The following PDCL3 variants were observed in gnomAD, a reference collection of about 807,000 sequenced individuals.
PDCL3 encodes phosducin-like protein 3.
In PDCL3, 22 loss-of-function variants were observed where a neutral mutation model predicts 26.5. The observed-to-expected ratio is 0.83, with a 90% CI of 0.59 to 1.19. The LOEUF (loss-of-function observed/expected upper bound fraction) is 1.19, where lower values mean the gene tolerates loss of function less well. Ranked by LOEUF, PDCL3 falls within the 50% of genes most tolerant of loss-of-function variation. The probability of loss-of-function intolerance (pLI) is 0.00; values close to 1 mark genes in which losing one functional copy is unlikely to be tolerated. For synonymous variants in PDCL3, 81 were observed against 104.9 expected, an observed-to-expected ratio of 0.77 and a Z score of 1.39; for missense variants, 246 against 294.1, an observed-to-expected ratio of 0.84 and a Z score of 1.20.
intron 1 of PDCL3, among the ~76,000 whole-genome samples, chr2:100,565,424 G>A (rs1275833608): frequency 4.0e-5 from 6 of 151,866 alleles, no homozygotes; most frequent in South Asian, 2.1e-4. Context: ...ACAGGCGCCC[G>A]CCACCACGCC....
chr2:100,563,182 C>A (rs1674984073), intron 1 of PDCL3, 109 bp downstream of exon 1: 3 of 1,389,512 alleles, frequency 2.2e-6, no homozygotes, highest in East Asian at 2.6e-5. Flanking sequence ...GCGCCGCAGG[C>A]ACGAGGGAGG....
rs1162076765 is a variant in PDCL3, at chr2:100,563,015, A to AG, written c.-49dup. 4.4e-6 allele frequency: 7 copies of AG among 1,581,412 alleles called. No homozygotes were observed. Among genetic ancestry groups the AG allele is most frequent in the Middle Eastern group, 1.8e-4 (1 of 5,656 alleles). ...TGTGCGCGTGCACAAAAGAGAGCTG[A>AG]GGGGCGGGGGCGCTGCGGCACAGCT... On this transcript the variant is annotated 5_prime_UTR_variant, in exon 1 of 6. Coordinates refer to ENST00000264254, the MANE Select transcript of PDCL3 (RefSeq NM_024065.5).
chr2:100,569,571 T>G lies in PDCL3; in HGVS notation c.225-7T>G. The G allele has an allele frequency of 1.9e-6, 3 of 1,612,448 alleles. No homozygotes were observed. The highest frequency in any genetic ancestry group is 2.5e-6 in the Non-Finnish European group (3 of 1,179,678). Reference sequence around the variant, plus strand: ...ACGTAAGATGTTTCTCTCCTTGTTTTGTGCAGACGGCGGAGACTGGCTGAG... The same window carrying G: ...ACGTAAGATGTTTCTCTCCTTGTTTGGTGCAGACGGCGGAGACTGGCTGAG... On this transcript the variant is annotated splice_polypyrimidine_tract_variant and splice_region_variant and intron_variant, in intron 3 of 5. Coordinates refer to ENST00000264254, the MANE Select transcript of PDCL3 (RefSeq NM_024065.5).
chr2:100,569,557 T>C (rs1675126473), intron 3 of PDCL3, 21 bp from the exon 4 acceptor site: 1 of 1,610,448 alleles, frequency 6.2e-7, no homozygotes, highest in East Asian at 2.2e-5. Context: ...CGTAAGATGT[T>C]TCTCTCCTTG....
At chr2:100,565,818 G>A (rs896160517) in intron 1 of PDCL3, among the ~76,000 whole-genome samples, 1 of 152,034 alleles carries the variant, frequency 6.6e-6, no homozygotes, top group South Asian at 2.1e-4. Flanking sequence ...GGTGACTCTC[G>A]CATTCACCAC....
At chr2:100,574,142 T>C (rs1675234865) in intron 5 of PDCL3, among the ~76,000 whole-genome samples, 1 of 152,154 alleles carries the variant, frequency 6.6e-6, no homozygotes, top group African/African-American at 2.4e-5. Context: ...TAGCTGGGAC[T>C]ACAGGCATGT....
rs756976361 is a variant in PDCL3 at position 100,571,697 on chromosome 2, C to T, written c.476C>T (p.Pro159Leu). 3.7e-6 allele frequency: 6 copies of T among 1,613,804 alleles called. No homozygotes were observed. The highest frequency in any genetic ancestry group is 5.1e-6 in the Non-Finnish European group (6 of 1,179,970). Residue 159 changes from proline (P) to leucine (L), a missense_variant, in exon 5 of 6, where the codon CCT becomes CTT. Transcript: ENST00000264254. ...AISTTCIPNY[P>L]DRNLPTIFVY... ...TCAACAACCTGCATACCCAATTATC[C>T]TGATAGGAATCTGCCCACGATATTT...
chr2:100,567,022 T>C (rs142673409), intron 2 of PDCL3, among the ~76,000 whole-genome samples: 98 of 152,316 alleles, frequency 6.4e-4, no homozygotes, highest in African/African-American at 2.3e-3. Context: ...CATAAGATGT[T>C]TGCAATGTGT....
chr2:100,569,475 A>G, intron 3 of PDCL3, 103 bp from the exon 4 acceptor site: 1 of 1,377,596 alleles, frequency 7.3e-7, no homozygotes, highest in East Asian at 2.5e-5. Context: ...TTTTTGCCAT[A>G]AGACCAATAA....
chr2:100,568,634 C>CA (rs1341105250), intron 2 of PDCL3, among the ~76,000 whole-genome samples: 25 of 151,550 alleles, frequency 1.6e-4, no homozygotes, highest in Admixed American at 1.5e-3. Context: ...ACTCTGTCTC[C>CA]AAAAAAAGGA....
rs576877706 is a variant in PDCL3, at chr2:100,576,221, C to T, written c.578-133C>T. The T allele has an allele frequency of 1.5e-4, 133 of 916,020 alleles. No homozygotes were observed. In the African/African-American group the frequency reaches 1.8e-3, roughly 13 times the overall value. 56.7% of individuals were successfully genotyped at this position (916,020 alleles called of 1,614,324 possible). A position where few individuals can be genotyped will look rare whatever the true frequency, so the allele number is the denominator to read the frequency against. On this transcript the variant is annotated intron_variant, in intron 5 of 5. Transcript: ENST00000264254. The stretch of plus-strand genomic sequence containing the variant: ...CCTCCCAAAGTGTTGGGATTACAGG[C>T]GTGAGCCATTGTGCTGGGCCAAATT...
intron 4 of PDCL3, among the ~76,000 whole-genome samples, chr2:100,571,239 G>A (rs1462169175): frequency 6.6e-6 from 1 of 151,946 alleles, no homozygotes. Flanking sequence ...AGTAGAGATG[G>A]GGTTTCACCA....
chr2:100,569,487 T>C (rs1675125371), intron 3 of PDCL3, 91 bp from the exon 4 acceptor site: 2 of 1,452,294 alleles, frequency 1.4e-6, no homozygotes, highest in Non-Finnish European at 1.8e-6. Flanking sequence ...GACCAATAAA[T>C]AAACCTGGGC....
At position 100,576,430 on chromosome 2, in the gene PDCL3, C is replaced by T. The variant is rs145184150; in HGVS notation, c.654C>T (p.Asp218=). The change falls in exon 6 of 6, where the codon GAC becomes GAT. Residue 218 remains aspartate, a synonymous_variant. Coordinates refer to ENST00000264254, the MANE Select transcript of PDCL3 (RefSeq NM_024065.5). ...LEENPKKPIE[D]VLLSSVRRSV... Reference sequence around the variant, plus strand: ...AAAACCCTAAGAAGCCGATTGAAGACGTGTTGCTGTCCTCAGTGCGGCGCT... The same window carrying T: ...AAAACCCTAAGAAGCCGATTGAAGATGTGTTGCTGTCCTCAGTGCGGCGCT... 2.3e-4 allele frequency: 376 copies of T among 1,613,922 alleles called. No individual in the cohort carries two copies. In the African/African-American group the frequency reaches 4.3e-3, roughly 19 times the overall value.
At chr2:100,569,136 G>C in intron 3 of PDCL3, 115 bp downstream of exon 3, 1 of 857,984 alleles carries the variant, frequency 1.2e-6, no homozygotes, top group Non-Finnish European at 1.8e-6. Context: ...CATACCTGTA[G>C]TCCCAACACT....
At chr2:100,567,588 G>A (rs1675081441) in intron 2 of PDCL3, among the ~76,000 whole-genome samples, 1 of 152,010 alleles carries the variant, frequency 6.6e-6, no homozygotes, top group Non-Finnish European at 1.5e-5. Flanking sequence ...ACCTGAGGGA[G>A]TTGTTGAGAC....
chr2:100,566,429 T>G, intron 1 of PDCL3, 74 bp from the exon 2 acceptor site: 1 of 1,535,000 alleles, frequency 6.5e-7, no homozygotes, highest in Non-Finnish European at 8.9e-7. Flanking sequence ...CTTTTCCCAT[T>G]TGGCCCCTTG....
At chr2:100,571,413 T>A (rs1340618970) in intron 4 of PDCL3, among the ~76,000 whole-genome samples, 177 bp from the exon 5 acceptor site, 1 of 152,182 alleles carries the variant, frequency 6.6e-6, no homozygotes, top group Non-Finnish European at 1.5e-5. Context: ...TCACTCCATT[T>A]AGCCTGGGTG....
chr2:100,570,474 CTT>C (rs762190373), intron 4 of PDCL3, among the ~76,000 whole-genome samples: 21 of 125,278 alleles, frequency 1.7e-4, no homozygotes, highest in Admixed American at 5.1e-4. Context: ...TTAGGAATTT[CTT>C]TTTTTTTTTT....
Sources: allele counts gnomAD v4.1 joint callset (sites outside exome capture counted in the v4.1 genomes callset), GRCh38; gene constraint gnomAD v4.1.1; transcripts MANE v1.5; gene names NCBI Gene and HGNC (gene_info 2026-07-23, HGNC 2026-07-21).